The following C1orf105 variants were observed in gnomAD, a reference collection of about 807,000 sequenced individuals.
C1orf105 encodes the protein uncharacterized protein C1orf105.
In C1orf105, 17 loss-of-function variants were observed where a neutral mutation model predicts 20.8. The observed-to-expected ratio is 0.82, with a 90% confidence interval of 0.56 to 1.23. C1orf105 has a LOEUF of 1.23. Ranked by LOEUF, C1orf105 falls within the 50% of genes most tolerant of loss-of-function variation. The pLI, the probability that C1orf105 is intolerant of heterozygous loss-of-function variation, is 0.00. For synonymous variants in C1orf105, 72 were observed against 72.1 expected, an observed-to-expected ratio of 1.00 and a Z score of 0.01; for missense variants, 219 against 213.5, an observed-to-expected ratio of 1.03 and a Z score of -0.16.
chr1:172,423,226 T>C (rs1006283393), intron 1 of C1orf105, among the ~76,000 whole-genome samples: 4 of 152,320 alleles, frequency 2.6e-5, no homozygotes, highest in East Asian at 3.9e-4. Context: ...GTCCCAGTAG[T>C]GGTGGCCACA....
chr1:172,430,855 G>T (rs915753652), intron 1 of C1orf105, among the ~76,000 whole-genome samples: 1 of 132,364 alleles, frequency 7.6e-6, no homozygotes, highest in Admixed American at 8.2e-5. Context: ...TCACATTTTG[G>T]TAATTATGAC....
At chr1:172,442,338 A>C (rs1453125734) in intron 1 of C1orf105, 4 of 1,613,058 alleles carry the variant, frequency 2.5e-6, no homozygotes, top group African/African-American at 1.3e-5. Context: ...AAACATACCC[A>C]ATCAGTGAAG....
chr1:172,434,666 A>C (rs985372092), intron 1 of C1orf105, among the ~76,000 whole-genome samples: 1 of 152,208 alleles, frequency 6.6e-6, no homozygotes, highest in Non-Finnish European at 1.5e-5. Flanking sequence ...ATCTAAAATC[A>C]ACACTCTAAC....
chr1:172,431,455 G>T (rs2071871745), intron 1 of C1orf105, among the ~76,000 whole-genome samples: 1 of 152,194 alleles, frequency 6.6e-6, no homozygotes, highest in South Asian at 2.1e-4. Flanking sequence ...AGAGAGGAGA[G>T]GAAGCTGCAG....
At chr1:172,465,725 T>C in intron 6 of C1orf105, 1 of 465,964 alleles carries the variant, frequency 2.1e-6, no homozygotes, top group South Asian at 1.5e-5. Context: ...ACTGCATCTC[T>C]ATACCCTCAG....
intron 6 of C1orf105, 124 bp downstream of exon 6, chr1:172,465,487 C>G (rs1649982353): frequency 6.4e-6 from 5 of 783,474 alleles, no homozygotes; most frequent in Middle Eastern, 2.3e-4. Context: ...CTATCCCTTT[C>G]TCTTTCACGT....
intron 1 of C1orf105, among the ~76,000 whole-genome samples, chr1:172,428,487 C>T (rs1242685029): frequency 6.6e-6 from 1 of 152,214 alleles, no homozygotes; most frequent in African/African-American, 2.4e-5. Flanking sequence ...CCACTCCTTG[C>T]TATTCCCCAC....
chr1:172,442,506 T>C (rs1647424398), intron 1 of C1orf105: 3 of 1,614,208 alleles, frequency 1.9e-6, no homozygotes, highest in East Asian at 4.5e-5. Context: ...CATGGATGTT[T>C]TTCCGGAGCT....
chr1:172,422,669 C>A (rs936819140), intron 1 of C1orf105, among the ~76,000 whole-genome samples: 3 of 151,856 alleles, frequency 2.0e-5, no homozygotes, highest in African/African-American at 7.3e-5. Flanking sequence ...GGAAAGAGCA[C>A]CAAGCCAGCT....
intron 6 of C1orf105, chr1:172,465,669 T>C (rs920839506): frequency 1.1e-5 from 6 of 528,942 alleles, no homozygotes; most frequent in Non-Finnish European, 2.2e-5. Flanking sequence ...AAAATAAAAG[T>C]TCCCCTATTG....
intron 3 of C1orf105, among the ~76,000 whole-genome samples, chr1:172,452,029 C>T (rs1036820072): frequency 2.9e-4 from 44 of 151,758 alleles, no homozygotes; most frequent in African/African-American, 1.0e-3. Context: ...CATGCCACCA[C>T]GCCTGGCTAA....
At chr1:172,422,571 C>T (rs555431253) in intron 1 of C1orf105, among the ~76,000 whole-genome samples, 21 of 151,838 alleles carry the variant, frequency 1.4e-4, no homozygotes, top group Middle Eastern at 3.4e-3. Flanking sequence ...CTGGTGGCTA[C>T]GAGGAGAGAC....
chr1:172,448,527 C>A lies in C1orf105; in HGVS notation c.194C>A (p.Ser65Tyr). Residue 65 changes from serine (S) to tyrosine (Y), a missense_variant, in exon 3 of 7, where the codon TCT (serine) becomes TAT (tyrosine). Transcript: ENST00000367727. ...PILFQVPDVLSKARRNQCDSM... is the reference protein window; with the variant it reads ...PILFQVPDVLYKARRNQCDSM... ...TTGTTTCAAGTTCCAGATGTTTTAT[C>A]TAAGGTACTAAAAAATTTTTGTTGA... is the stretch of plus-strand genomic sequence containing the variant. 6.3e-7 allele frequency: 1 copy of A among 1,597,280 alleles called. No individual in the cohort carries two copies. The highest frequency in any genetic ancestry group is 8.6e-7 in the Non-Finnish European group (1 of 1,165,624).
chr1:172,440,277 T>C (rs2072177735), intron 1 of C1orf105, among the ~76,000 whole-genome samples: 1 of 152,246 alleles, frequency 6.6e-6, no homozygotes, highest in Admixed American at 6.5e-5. Context: ...CCAGCTATCT[T>C]GGGAGGTGCC....
chr1:172,423,901 G>T (rs949861567), intron 1 of C1orf105, among the ~76,000 whole-genome samples: 1 of 151,976 alleles, frequency 6.6e-6, no homozygotes, highest in Non-Finnish European at 1.5e-5. Context: ...TTGAAGCCAG[G>T]CTGTTTGAAA....
intron 3 of C1orf105, among the ~76,000 whole-genome samples, chr1:172,449,032 G>A (rs1047048034): frequency 2.0e-5 from 3 of 152,150 alleles, no homozygotes; most frequent in Non-Finnish European, 2.9e-5. Context: ...TCCCTGAGGT[G>A]GAGAAAGAGA....
At position 172,468,619 on chromosome 1, in the gene C1orf105, G is replaced by A; in HGVS notation, c.*25G>A. 2.5e-6 allele frequency: 4 copies of A among 1,600,374 alleles called. No individual in the cohort carries two copies. The highest frequency in any genetic ancestry group is 3.4e-6 in the Non-Finnish European group (4 of 1,171,978). On this transcript the variant is annotated 3_prime_UTR_variant, in exon 7 of 7. Transcript: ENST00000367727. ...AGCGGTAGGAGCTCATCACCTCCCA[G>A]ACTCCCAGAGAGAAAATAACCTCGC...
chr1:172,453,503 A>G (rs1449761198), intron 3 of C1orf105, among the ~76,000 whole-genome samples: 2 of 152,166 alleles, frequency 1.3e-5, no homozygotes, highest in Non-Finnish European at 2.9e-5. Flanking sequence ...CTTCATTTAT[A>G]TATGTATTTT....
chr1:172,443,898 C>T, intron 1 of C1orf105: 2 of 948,886 alleles, frequency 2.1e-6, no homozygotes, highest in Non-Finnish European at 2.6e-6. Context: ...CCCACTTCCG[C>T]CGCCGCCCCT....
Sources: allele counts gnomAD v4.1 joint callset (sites outside exome capture counted in the v4.1 genomes callset), GRCh38; gene constraint gnomAD v4.1.1; transcripts MANE v1.5; gene names NCBI Gene and HGNC (gene_info 2026-07-23, HGNC 2026-07-21).